The following LINGO2 variants were observed in gnomAD, a reference collection of about 807,000 sequenced individuals.
LINGO2 encodes the protein leucine-rich repeat and immunoglobulin-like domain-containing nogo receptor-interacting protein 2.
A neutral mutation model predicts 30.6 loss-of-function variants in LINGO2; 14 were observed. That is an observed-to-expected ratio of 0.46 (90% CI 0.30 to 0.72). LINGO2 has a LOEUF of 0.72. Ranked by LOEUF, LINGO2 falls within the 30% of genes least tolerant of loss-of-function variation. The probability of loss-of-function intolerance (pLI) is 0.07; values close to 1 mark genes in which losing one functional copy is unlikely to be tolerated. For synonymous variants in LINGO2, 317 were observed against 288.5 expected, an observed-to-expected ratio of 1.10 and a Z score of -1.00; for missense variants, 729 against 751.7, an observed-to-expected ratio of 0.97 and a Z score of 0.35.
chr9:28,311,081 A>G (rs958506536), intron 3 of LINGO2, among the ~76,000 whole-genome samples: 1 of 152,190 alleles, frequency 6.6e-6, no homozygotes, highest in African/African-American at 2.4e-5. Context: ...GACAGAGTAC[A>G]AAAGAGAGAA....
chr9:28,022,865 A>ATTTTTTG (rs1554660129), intron 4 of LINGO2, among the ~76,000 whole-genome samples: 1 of 80,108 alleles, frequency 1.2e-5, no homozygotes, highest in African/African-American at 3.7e-5. Context: ...TTCTCTGCTG[A>ATTTTTTG]TTTTTTGTTT....
intron 5 of LINGO2, among the ~76,000 whole-genome samples, chr9:28,001,633 C>T (rs958271433): frequency 2.6e-5 from 4 of 151,642 alleles, no homozygotes; most frequent in Admixed American, 6.6e-5. Context: ...GGCATTGTTC[C>T]GGGGAAAAGA....
At chr9:29,037,065 T>G in the LINGO2 span, among the ~76,000 whole-genome samples, 1 of 151,602 alleles carries the variant, frequency 6.6e-6, no homozygotes, top group African/African-American at 2.4e-5. Flanking sequence ...CATCTATACC[T>G]TTTCTCTGCT....
chr9:28,363,612 C>T (rs888780247), intron 3 of LINGO2, among the ~76,000 whole-genome samples: 1 of 152,028 alleles, frequency 6.6e-6, no homozygotes, highest in African/African-American at 2.4e-5. Flanking sequence ...GACAAGCTCA[C>T]AAATTAATCA....
At chr9:28,321,822 A>C (rs1825053560) in intron 3 of LINGO2, among the ~76,000 whole-genome samples, 1 of 152,116 alleles carries the variant, frequency 6.6e-6, no homozygotes, top group African/African-American at 2.4e-5. Context: ...AATTACACCC[A>C]CCAATGAAGA....
intron 3 of LINGO2, among the ~76,000 whole-genome samples, chr9:28,309,184 A>T (rs1034959639): frequency 5.9e-5 from 9 of 152,172 alleles, no homozygotes; most frequent in Non-Finnish European, 8.8e-5. Context: ...AAGCAACCCA[A>T]ATGTCCAACG....
At chr9:28,804,027 A>G in the LINGO2 span, among the ~76,000 whole-genome samples, 1 of 152,076 alleles carries the variant, frequency 6.6e-6, no homozygotes, top group Non-Finnish European at 1.5e-5. Flanking sequence ...ATCAAATAAT[A>G]TTCATATTTG....
At chr9:29,049,607 CTAT>C in the LINGO2 span, among the ~76,000 whole-genome samples, 1 of 151,896 alleles carries the variant, frequency 6.6e-6, no homozygotes, top group Non-Finnish European at 1.5e-5. Context: ...CAATGAAGTA[CTAT>C]TCAGTCATAA....
At chr9:28,440,819 G>A (rs888618989) in intron 2 of LINGO2, among the ~76,000 whole-genome samples, 1 of 152,056 alleles carries the variant, frequency 6.6e-6, no homozygotes, top group Non-Finnish European at 1.5e-5. Context: ...TATCAGTTAT[G>A]CAAATGAGAG....
At chr9:29,184,710 C>G in the LINGO2 span, among the ~76,000 whole-genome samples, 8 of 151,042 alleles carry the variant, frequency 5.3e-5, no homozygotes, top group Admixed American at 3.3e-4. Flanking sequence ...CTTCTCTCCT[C>G]CCTCCCTCCT....
Position 28,064,008 on chromosome 9 carries a change from G to A in LINGO2, c.-86-51603C>T, listed in dbSNP as rs115821422. 9.9e-3 allele frequency among the ~76,000 whole-genome samples: 1,501 copies of A among 152,086 alleles called. 31 individuals carry two copies. Among genetic ancestry groups the A allele is most frequent in the African/African-American group, 0.035 (1,438 of 41,490 alleles). On this transcript the variant is annotated intron_variant, in intron 4 of 5. Transcript: ENST00000379992. ...GTTATTAAATCCCAGTGGGCTTGTT[G>A]CAAAATAAAAAATAGCATAAGACCA...
intron 4 of LINGO2, among the ~76,000 whole-genome samples, chr9:28,197,739 G>T (rs1010239148): frequency 6.6e-6 from 1 of 151,758 alleles, no homozygotes; most frequent in Non-Finnish European, 1.5e-5. Flanking sequence ...AATTTGCATA[G>T]CATAAAAATG....
chr9:28,259,695 G>A (rs1331287257), intron 4 of LINGO2, among the ~76,000 whole-genome samples: 1 of 151,888 alleles, frequency 6.6e-6, no homozygotes, highest in African/African-American at 2.4e-5. Flanking sequence ...TGGTAGGGGA[G>A]AGTATAAATT....
intron 3 of LINGO2, among the ~76,000 whole-genome samples, chr9:28,315,231 C>T (rs1824797038): frequency 6.6e-6 from 1 of 151,750 alleles, no homozygotes; most frequent in African/African-American, 2.4e-5. Flanking sequence ...GGTGAAACCC[C>T]GTCTCTACTA....
the LINGO2 span, among the ~76,000 whole-genome samples, chr9:28,995,871 G>C: frequency 7.5e-6 from 1 of 132,810 alleles, no homozygotes; most frequent in Non-Finnish European, 1.7e-5. Context: ...GGACTGTTGT[G>C]GGGTAGGGGG....
intron 2 of LINGO2, among the ~76,000 whole-genome samples, chr9:28,382,076 C>G (rs914778137): frequency 6.6e-5 from 10 of 152,104 alleles, no homozygotes; most frequent in Non-Finnish European, 1.3e-4. Context: ...TCTACTTTCT[C>G]TGAGCCTCTG....
chr9:29,057,725 G>A, the LINGO2 span, among the ~76,000 whole-genome samples: 1 of 152,020 alleles, frequency 6.6e-6, no homozygotes, highest in East Asian at 1.9e-4. Flanking sequence ...AGCATGCATC[G>A]GGCCAGATAC....
intron 2 of LINGO2, among the ~76,000 whole-genome samples, chr9:28,469,925 TAA>T (rs1263203447): frequency 6.6e-6 from 1 of 152,032 alleles, no homozygotes; most frequent in South Asian, 2.1e-4. Context: ...CAAACAGAAA[TAA>T]GAGTATTATT....
chr9:28,071,232 G>A (rs1050397535), intron 4 of LINGO2, among the ~76,000 whole-genome samples: 2 of 152,146 alleles, frequency 1.3e-5, no homozygotes, highest in African/African-American at 4.8e-5. Context: ...TGATCCTTGG[G>A]TTGTACATTT....
Sources: gnomAD v4.1 joint callset for allele counts (sites outside exome capture counted in the v4.1 genomes callset) on GRCh38, gnomAD v4.1.1 for gene constraint, MANE v1.5 for transcripts, NCBI Gene and HGNC (gene_info 2026-07-23, HGNC 2026-07-21) for gene names.